PTPRC: variants seen among roughly 807,000 people sequenced by gnomAD.
PTPRC encodes the protein receptor-type tyrosine-protein phosphatase C.
PTPRC carries 44 observed loss-of-function variants against 155.9 expected under a neutral mutation model. That is an observed-to-expected ratio of 0.28 (90% CI 0.22 to 0.36). PTPRC has a LOEUF of 0.36. Among genes scored for constraint, PTPRC ranks in the 10% least tolerant of loss-of-function variants. The pLI is 1.00. For missense variants in PTPRC, 1,401 were observed against 1,564.6 expected (o/e 0.90, Z 1.76); for synonymous variants, 525 against 533.1 (o/e 0.98, Z 0.21).
intron 2 of PTPRC, among the ~76,000 whole-genome samples, chr1:198,691,197 G>C (rs1185582537): frequency 1.3e-5 from 2 of 151,938 alleles, no homozygotes; most frequent in African/African-American, 2.4e-5. Context: ...TCTATATGCT[G>C]ATCTATAGCA....
In PTPRC at chr1:198,734,227, C is replaced by T. The variant is rs888138109; in HGVS notation, c.2174C>T (p.Ala725Val). Residue 725 changes from alanine (A) to valine (V), a missense_variant, in exon 21 of 33, where the codon GCA becomes GTA. By Grantham distance (64) the Ala-to-Val change is moderately conservative (BLOSUM62 0). Around this residue, in one of 3 missense-constraint regions of PTPRC, gnomAD observed 867 missense variants for 970.4 expected, o/e 0.89. Transcript: ENST00000442510. ...AAAGAACCCAGGAAATACATTGCTG[C>T]ACAAGGTAATTTCTTTGATAATCCA... ...GFKEPRKYIA[A>V]QGPRDETVDD... 1.9e-6 allele frequency: 3 copies of T among 1,610,764 alleles called. No homozygotes were observed. Among genetic ancestry groups the T allele is most frequent in the Non-Finnish European group, 2.5e-6 (3 of 1,177,786 alleles).
At chr1:198,729,906 C>A (rs78871255) in intron 17 of PTPRC, among the ~76,000 whole-genome samples, 1 of 151,934 alleles carries the variant, frequency 6.6e-6, no homozygotes, top group Non-Finnish European at 1.5e-5. Flanking sequence ...GGTGGAGGGA[C>A]GAGTGGATGG....
intron 14 of PTPRC, among the ~76,000 whole-genome samples, 165 bp downstream of exon 14, chr1:198,718,467 T>C (rs1054588271): frequency 6.6e-6 from 1 of 152,248 alleles, no homozygotes; most frequent in African/African-American, 2.4e-5. Flanking sequence ...AAAATTTTTA[T>C]TCCTATAGCT....
chr1:198,659,493 G>A (rs1326274), intron 2 of PTPRC, among the ~76,000 whole-genome samples: 2 of 151,598 alleles, frequency 1.3e-5, no homozygotes, highest in Non-Finnish European at 2.9e-5. Flanking sequence ...TGAGGAAATC[G>A]ACAGTGTGTG....
chr1:198,750,226 A>G (rs767390948), intron 28 of PTPRC: 14 of 455,534 alleles, frequency 3.1e-5, no homozygotes, highest in Non-Finnish European at 4.8e-5. Flanking sequence ...GAGAAACAAA[A>G]ATGTGTGTCT....
rs141809300 is a variant in PTPRC, at chr1:198,702,135, A to G, written c.440-252A>G. Among the ~76,000 whole-genome samples the G allele has an allele frequency of 1.3e-4, 20 of 152,164 alleles. No homozygotes were observed. In the East Asian group the frequency reaches 2.1e-3, roughly 16 times the overall value. ...AGGCTTCTTGGGCTGTCCAAACTAT[A>G]TATTTTTTTAAGTTGTGCTCTGATT... is the stretch of plus-strand genomic sequence containing the variant. On this transcript the variant is annotated intron_variant, in intron 5 of 32. Coordinates refer to ENST00000442510, the MANE Select transcript of PTPRC (RefSeq NM_002838.5).
Position 198,744,059 on chromosome 1 carries a change from G to A in PTPRC, c.2703G>A (p.Gln901=). 1 of 1,602,776 alleles carries A rather than the reference G, an allele frequency of 6.2e-7. No homozygotes were observed. Among genetic ancestry groups the A allele is most frequent in the Non-Finnish European group, 8.5e-7 (1 of 1,170,636 alleles). ...ATTTGTTCTTGAAATTGTAGGCCCAGTACATCTTGATCCATCAGGCTTTGG... is the reference window on the plus strand; with the variant it reads ...ATTTGTTCTTGAAATTGTAGGCCCAATACATCTTGATCCATCAGGCTTTGG... ...QRCLMVQVEA[Q]YILIHQALVE... is the part of the protein sequence containing the mutation. The change falls in exon 26 of 33, where the codon CAG becomes CAA. Residue 901 remains glutamine, a synonymous_variant. Coordinates refer to ENST00000442510, the MANE Select transcript of PTPRC (RefSeq NM_002838.5).
chr1:198,652,394 C>T (rs1409959018), intron 2 of PTPRC, among the ~76,000 whole-genome samples: 1 of 151,686 alleles, frequency 6.6e-6, no homozygotes, highest in African/African-American at 2.4e-5. Flanking sequence ...TGCATGTAGG[C>T]ACTATCATTT....
chr1:198,721,579 G>A lies in PTPRC; in HGVS notation c.1660-837G>A, dbSNP rs529579732. Among the ~76,000 whole-genome samples, 6 of 152,050 alleles carry A rather than the reference G, an allele frequency of 3.9e-5. No individual in the cohort carries two copies. The East Asian group carries it at 1.2e-3, about 29-fold the overall frequency. On this transcript the variant is annotated intron_variant, in intron 14 of 32. Coordinates refer to ENST00000442510, the MANE Select transcript of PTPRC (RefSeq NM_002838.5). Reference sequence around the variant, plus strand: ...AGTTTTTAATATATCCATTATTTAAGAGAGTTTTTCTACATTTCTGGTGCT... The same window carrying A: ...AGTTTTTAATATATCCATTATTTAAAAGAGTTTTTCTACATTTCTGGTGCT...
chr1:198,683,030 GCA>G (rs1410364045), intron 2 of PTPRC, among the ~76,000 whole-genome samples: 1 of 152,134 alleles, frequency 6.6e-6, no homozygotes, highest in African/African-American at 2.4e-5. Flanking sequence ...AGTTGAACAA[GCA>G]TGGGGGTTTT....
chr1:198,742,173 T>A (rs1654932003), intron 24 of PTPRC, 59 bp from the exon 25 acceptor site: 2 of 1,610,546 alleles, frequency 1.2e-6, no homozygotes, highest in African/African-American at 2.7e-5. Flanking sequence ...TTATATTGGC[T>A]TCACACCTGA....
chr1:198,713,933 T>C (rs945712790), intron 12 of PTPRC, among the ~76,000 whole-genome samples: 2 of 152,242 alleles, frequency 1.3e-5, no homozygotes, highest in Admixed American at 1.3e-4. Context: ...AATGGCCTTT[T>C]CTTGCTAGTG....
chr1:198,734,280 A>ACTT (rs1446324126), intron 21 of PTPRC, 48 bp downstream of exon 21: 1 of 1,609,228 alleles, frequency 6.2e-7, no homozygotes, highest in African/African-American at 1.3e-5. Flanking sequence ...TTTTTATAGC[A>ACTT]CTTTTAAGAA....
At chr1:198,683,809 C>A (rs1488066536) in intron 2 of PTPRC, among the ~76,000 whole-genome samples, 1 of 152,036 alleles carries the variant, frequency 6.6e-6, no homozygotes, top group East Asian at 1.9e-4. Context: ...ATATACATAA[C>A]TGATAACAAG....
At chr1:198,711,363 T>C (rs961449229) in intron 11 of PTPRC, among the ~76,000 whole-genome samples, 2 of 152,334 alleles carry the variant, frequency 1.3e-5, no homozygotes, top group South Asian at 2.1e-4. Context: ...TGTTTTATAT[T>C]TGAAAACAGC....
intron 2 of PTPRC, among the ~76,000 whole-genome samples, chr1:198,666,463 G>T (rs1664312890): frequency 6.6e-6 from 1 of 152,052 alleles, no homozygotes; most frequent in Non-Finnish European, 1.5e-5. Flanking sequence ...ATCTTATAAA[G>T]AAAATAAAGA....
At chr1:198,755,818 A>T (rs1422480079) in intron 32 of PTPRC, 88 bp from the exon 33 acceptor site, 1 of 1,355,472 alleles carries the variant, frequency 7.4e-7, no homozygotes, top group African/African-American at 1.4e-5. Flanking sequence ...TCCACAAATA[A>T]ATCATTAGTT....
rs1665973973 is a variant in PTPRC, at chr1:198,692,340, T to G, written c.74-7T>G. On this transcript the variant is annotated splice_polypyrimidine_tract_variant and splice_region_variant and intron_variant, in intron 2 of 32. Transcript: ENST00000442510. ...TTTTCTAAGAGATTTTTGTTTCTTC[T>G]TTGCAGGGCAAAGCCCAACACCTTC... The G allele has an allele frequency of 6.6e-7, 1 of 1,516,796 alleles. No individual in the cohort carries two copies. Among genetic ancestry groups the G allele is most frequent in the African/African-American group, 1.4e-5 (1 of 70,016 alleles). The allele number at this position is 1,516,796 out of a possible 1,614,324, so 94.0% of individuals were successfully genotyped here.
At chr1:198,720,634 T>G (rs12134711) in intron 14 of PTPRC, among the ~76,000 whole-genome samples, 1,962 of 152,276 alleles carry the variant, frequency 0.013, 25 homozygotes, top group Non-Finnish European at 0.016. Context: ...AGGCCTATAT[T>G]ATATAACTTT....
Sources: gnomAD v4.1 joint callset for allele counts (sites outside exome capture counted in the v4.1 genomes callset) on GRCh38, gnomAD v4.1.1 for gene constraint, gnomAD v4.1.1 regional missense constraint, MANE v1.5 for transcripts, NCBI Gene and HGNC (gene_info 2026-07-23, HGNC 2026-07-21) for gene names.